ABTB3: variants seen among roughly 807,000 people sequenced by gnomAD.
ABTB3 encodes ankyrin repeat and BTB domain containing 3.
the ABTB3 span, among the ~76,000 whole-genome samples, chr12:107,574,366 A>C: frequency 2.0e-5 from 3 of 152,338 alleles, no homozygotes; most frequent in South Asian, 4.1e-4. Context: ...TCTGTAGGTC[A>C]TGGTTACTCA....
At chr12:107,488,257 GA>G in the ABTB3 span, among the ~76,000 whole-genome samples, 1 of 152,092 alleles carries the variant, frequency 6.6e-6, no homozygotes, top group African/African-American at 2.4e-5. Context: ...GTGGGTGGTG[GA>G]AATGTTCTGT....
chr12:107,545,361 C>T, the ABTB3 span, among the ~76,000 whole-genome samples: 1 of 151,824 alleles, frequency 6.6e-6, no homozygotes, highest in African/African-American at 2.4e-5. Flanking sequence ...CATTCCTCAG[C>T]CCCCCTCAAG....
the ABTB3 span, among the ~76,000 whole-genome samples, chr12:107,525,251 C>G: frequency 7.3e-6 from 1 of 137,626 alleles, no homozygotes; most frequent in African/African-American, 2.7e-5. Context: ...CGCTTGAGCA[C>G]TGGAGGTCAA....
chr12:107,627,499 T>C, the ABTB3 span, among the ~76,000 whole-genome samples: 1 of 152,254 alleles, frequency 6.6e-6, no homozygotes, highest in Non-Finnish European at 1.5e-5. Flanking sequence ...GCCAGGATCC[T>C]GACCCAGACA....
At chr12:107,334,991 G>A in the ABTB3 span, among the ~76,000 whole-genome samples, 1 of 152,160 alleles carries the variant, frequency 6.6e-6, no homozygotes, top group Admixed American at 6.5e-5. Flanking sequence ...ACCCCATGAA[G>A]AAGCAGCATT....
the ABTB3 span, among the ~76,000 whole-genome samples, chr12:107,354,695 G>A: frequency 2.0e-5 from 3 of 152,152 alleles, no homozygotes; most frequent in African/African-American, 7.2e-5. Flanking sequence ...TGAAGCGGTT[G>A]CACCTTTTAC....
the ABTB3 span, among the ~76,000 whole-genome samples, chr12:107,525,130 T>A: frequency 6.6e-6 from 1 of 151,544 alleles, no homozygotes; most frequent in Non-Finnish European, 1.5e-5. Context: ...GTTGAGACCA[T>A]CTTGGGCAAC....
chr12:107,521,680 A>ACCCCCCCCCCACATCCCCCCCCCCC, the ABTB3 span, among the ~76,000 whole-genome samples: 1 of 65,730 alleles, frequency 1.5e-5, no homozygotes, highest in Non-Finnish European at 3.2e-5. Context: ...ATGTCCCCCC[A>ACCCCCCCCCCACATCCCCCCCCCCC]CCCCCTACCC....
the ABTB3 span, among the ~76,000 whole-genome samples, chr12:107,604,271 ACT>A: frequency 6.6e-6 from 1 of 151,394 alleles, no homozygotes; most frequent in Non-Finnish European, 1.5e-5. Flanking sequence ...ACATAGAGAA[ACT>A]CTGTCCCTAC....
the ABTB3 span, among the ~76,000 whole-genome samples, chr12:107,516,263 C>T: frequency 6.6e-6 from 1 of 151,450 alleles, no homozygotes. Flanking sequence ...CAGAGTCTCA[C>T]TGTGTCACCC....
the ABTB3 span, among the ~76,000 whole-genome samples, chr12:107,350,405 G>T: frequency 1.3e-5 from 2 of 151,950 alleles, no homozygotes; most frequent in East Asian, 1.9e-4. Flanking sequence ...AAAAAGAAAT[G>T]GGCTGGGCGT....
chr12:107,593,238 C>T, the ABTB3 span, among the ~76,000 whole-genome samples: 1 of 152,178 alleles, frequency 6.6e-6, no homozygotes. Flanking sequence ...TATTCTGCAG[C>T]TGCTTTCCCA....
the ABTB3 span, among the ~76,000 whole-genome samples, chr12:107,509,011 T>C: frequency 6.6e-6 from 1 of 152,206 alleles, no homozygotes; most frequent in Non-Finnish European, 1.5e-5. Flanking sequence ...TGCCTGGAAG[T>C]TCTGAAATGG....
At chr12:107,639,442 C>A in the ABTB3 span, among the ~76,000 whole-genome samples, 1 of 152,080 alleles carries the variant, frequency 6.6e-6, no homozygotes, top group African/African-American at 2.4e-5. Flanking sequence ...GCAGAGAGAC[C>A]AACAGAGGCT....
the ABTB3 span, among the ~76,000 whole-genome samples, chr12:107,512,346 G>A: frequency 2.3e-4 from 35 of 152,330 alleles, 1 homozygote; most frequent in South Asian, 6.2e-3. Flanking sequence ...AAATTTGGCT[G>A]TGAGCTTCCT....
the ABTB3 span, among the ~76,000 whole-genome samples, chr12:107,635,925 C>A: frequency 7.2e-6 from 1 of 138,280 alleles, no homozygotes; most frequent in East Asian, 2.1e-4. Context: ...AGGGGACATA[C>A]CTGAGCGGCA....
the ABTB3 span, among the ~76,000 whole-genome samples, chr12:107,596,284 C>A: frequency 6.6e-6 from 1 of 152,162 alleles, no homozygotes; most frequent in East Asian, 1.9e-4. Context: ...TGTGGGGCAA[C>A]AGGGAGAACT....
At chr12:107,413,042 A>G in the ABTB3 span, among the ~76,000 whole-genome samples, 1 of 152,118 alleles carries the variant, frequency 6.6e-6, no homozygotes. Flanking sequence ...TGGGAGGCCG[A>G]AGTGGGCGGA....
the ABTB3 span, among the ~76,000 whole-genome samples, chr12:107,392,106 G>C: frequency 6.6e-6 from 1 of 152,204 alleles, no homozygotes; most frequent in African/African-American, 2.4e-5. Flanking sequence ...AATGGTTGCT[G>C]TCCAGCCCTG....
Sources: gnomAD v4.1 joint callset for allele counts (sites outside exome capture counted in the v4.1 genomes callset) on GRCh38, gnomAD v4.1.1 for gene constraint, MANE v1.5 for transcripts, NCBI Gene and HGNC (gene_info 2026-07-23, HGNC 2026-07-21) for gene names.